The following TMC5 variants were observed in gnomAD, a reference collection of about 807,000 sequenced individuals.
TMC5 encodes the protein transmembrane channel-like protein 5.
Under a neutral mutation model 110.5 loss-of-function variants are expected in TMC5, and 86 were observed. That is an observed-to-expected ratio of 0.78 (90% CI 0.65 to 0.93). The LOEUF is 0.93. TMC5 is among the 40% of genes least tolerant of loss of function. The pLI is 0.00. For missense variants in TMC5, 1,144 were observed against 1,222.8 expected (o/e 0.94, Z 0.96); for synonymous variants, 455 against 439.5 (o/e 1.04, Z -0.44).
chr16:19,482,178 C>G (rs1426421420), intron 15 of TMC5, among the ~76,000 whole-genome samples: 1 of 152,180 alleles, frequency 6.6e-6, no homozygotes, highest in African/African-American at 2.4e-5. Flanking sequence ...TCCTGCCTGT[C>G]TCCCAAGTAG....
intron 8 of TMC5, among the ~76,000 whole-genome samples, chr16:19,464,598 T>C (rs2143592233): frequency 6.6e-6 from 1 of 152,358 alleles, no homozygotes; most frequent in African/African-American, 2.4e-5. Flanking sequence ...TTTCTTTTCT[T>C]ACAAAAGATG....
chr16:19,466,687 C>T (rs1490889088), intron 9 of TMC5, among the ~76,000 whole-genome samples: 2 of 152,160 alleles, frequency 1.3e-5, no homozygotes, highest in East Asian at 1.9e-4. Context: ...CCAATTATTC[C>T]TTGTCCTGCA....
In TMC5 at chr16:19,469,729, C is replaced by A; in HGVS notation, c.1686C>A (p.Ser562=). 1.2e-6 allele frequency: 2 copies of A among 1,614,132 alleles called. No homozygotes were observed. Among genetic ancestry groups the A allele is most frequent in the Non-Finnish European group, 8.5e-7 (1 of 1,180,006 alleles). ...RNNFINPHIY[S]GGITKLIFCW... Reference sequence around the variant, plus strand: ...ACTTCATTAATCCCCACATTTACTCCGGAGGGATCACCAAGCTGATCTTTT... The same window carrying A: ...ACTTCATTAATCCCCACATTTACTCAGGAGGGATCACCAAGCTGATCTTTT... Residue 562 remains serine, a synonymous_variant, in exon 10 of 22, where the codon TCC becomes TCA. Coordinates refer to ENST00000542583, the MANE Select transcript of TMC5 (RefSeq NM_001261841.2).
In TMC5 at chr16:19,426,600, A is replaced by G. The variant is rs56805312; in HGVS notation, c.-307-3813A>G. Among the ~76,000 whole-genome samples the G allele has an allele frequency of 6.3e-3, 961 of 152,296 alleles. 9 individuals carry two copies. The highest frequency in any genetic ancestry group is 0.021 in the African/African-American group (886 of 41,562). On this transcript the variant is annotated intron_variant, in intron 1 of 21. Coordinates refer to ENST00000542583, the MANE Select transcript of TMC5 (RefSeq NM_001261841.2). ...TGACTTGTCTCCATCTGTCCCAGAG[A>G]CGGGCGTCCTCCTTCTTCTGGGTTG...
upstream of TMC5, among the ~76,000 whole-genome samples, chr16:19,415,738 C>G (rs931545712): frequency 2.0e-5 from 3 of 152,210 alleles, no homozygotes; most frequent in African/African-American, 7.2e-5. Context: ...AATGACAGCT[C>G]TTGGGGCAAA....
intron 10 of TMC5, among the ~76,000 whole-genome samples, chr16:19,470,434 G>T (rs1033496486): frequency 6.6e-6 from 1 of 151,780 alleles, no homozygotes; most frequent in Non-Finnish European, 1.5e-5. Context: ...TGATCCACCC[G>T]CCTTGGCCTC....
chr16:19,434,191 T>TATATATCTATATATCTATATATATA (rs1555480015), intron 2 of TMC5, among the ~76,000 whole-genome samples: 1 of 54,914 alleles, frequency 1.8e-5, no homozygotes, highest in African/African-American at 1.8e-4. Flanking sequence ...AGATATATAA[T>TATATATCTATATATCTATATATATA]ATATATATCT....
At chr16:19,435,818 C>A (rs975512567) in intron 2 of TMC5, among the ~76,000 whole-genome samples, 1 of 152,248 alleles carries the variant, frequency 6.6e-6, no homozygotes, top group East Asian at 1.9e-4. Flanking sequence ...ATCCTTGCAT[C>A]TGTGACATTC....
At chr16:19,477,215 T>C in intron 12 of TMC5, 3 of 387,102 alleles carry the variant, frequency 7.7e-6, no homozygotes, top group Middle Eastern at 8.4e-4. Flanking sequence ...GCCACTGCAC[T>C]CCAGCCTGGG....
chr16:19,446,607 A>C (rs1967620464), intron 4 of TMC5, among the ~76,000 whole-genome samples: 1 of 152,216 alleles, frequency 6.6e-6, no homozygotes, highest in Admixed American at 6.5e-5. Flanking sequence ...GAAAACTAAG[A>C]CTTAGAAAGA....
At chr16:19,473,712 G>A (rs1968409929) in intron 11 of TMC5, among the ~76,000 whole-genome samples, 1 of 152,144 alleles carries the variant, frequency 6.6e-6, no homozygotes, top group African/African-American at 2.4e-5. Context: ...GGGCGCGATG[G>A]CTCATGCCTG....
At chr16:19,469,609 C>G in intron 9 of TMC5, 72 bp from the exon 10 acceptor site, 2 of 1,580,258 alleles carry the variant, frequency 1.3e-6, no homozygotes, top group Non-Finnish European at 1.7e-6. Context: ...TAGGGCTGCC[C>G]TTTGTTGAAG....
Position 19,477,465 on chromosome 16 carries a change from A to G in TMC5, c.2116A>G (p.Ile706Val), listed in dbSNP as rs1597208294. The G allele has an allele frequency of 1.9e-6, 3 of 1,612,862 alleles. No individual in the cohort carries two copies. Among genetic ancestry groups the G allele is most frequent in the Non-Finnish European group, 1.7e-6 (2 of 1,179,302 alleles). Residue 706 changes from isoleucine to valine, a missense_variant, in exon 13 of 22, where the codon ATT becomes GTT. Ile to Val is a conservative substitution (Grantham distance 29). Coordinates refer to ENST00000542583, the MANE Select transcript of TMC5 (RefSeq NM_001261841.2). The stretch of plus-strand genomic sequence containing the variant: ...AAACATCTTTTTGAAAATATCAATC[A>G]TTGGCATTCTTTGTTACTATTGGCT... ...IRNIFLKISI[I>V]GILCYYWLNT...
chr16:19,496,389 T>C (rs1372069120), intron 20 of TMC5, among the ~76,000 whole-genome samples: 1 of 152,078 alleles, frequency 6.6e-6, no homozygotes, highest in Non-Finnish European at 1.5e-5. Context: ...TTAACGCAAA[T>C]ACCACTTATG....
intron 5 of TMC5, among the ~76,000 whole-genome samples, chr16:19,455,441 A>G (rs1597184963): frequency 6.6e-6 from 1 of 152,104 alleles, no homozygotes; most frequent in African/African-American, 2.4e-5. Context: ...AATAAATAAA[A>G]ATTTTTAAAA....
chr16:19,489,167 T>C (rs1159709435), intron 17 of TMC5, among the ~76,000 whole-genome samples: 1 of 152,192 alleles, frequency 6.6e-6, no homozygotes, highest in Non-Finnish European at 1.5e-5. Context: ...CTCTTTATGC[T>C]TCTTAATTCA....
intron 4 of TMC5, among the ~76,000 whole-genome samples, chr16:19,447,020 T>TAAC (rs59897298): frequency 0.029 from 4,413 of 151,832 alleles, 202 homozygotes; most frequent in African/African-American, 0.099. Context: ...ACTGAGTTAA[T>TAAC]AACAACAACA....
intron 1 of TMC5, among the ~76,000 whole-genome samples, chr16:19,426,501 T>A (rs1028044270): frequency 1.4e-4 from 21 of 152,192 alleles, no homozygotes; most frequent in African/African-American, 4.8e-4. Context: ...GTAAGCAGCA[T>A]CCTTTCTTGT....
intron 1 of TMC5, among the ~76,000 whole-genome samples, chr16:19,420,389 C>T (rs964917174): frequency 1.3e-5 from 2 of 151,796 alleles, no homozygotes; most frequent in African/African-American, 4.8e-5. Context: ...GATCATGCCA[C>T]TGCACTCCAG....
Sources: gnomAD v4.1 joint callset for allele counts (sites outside exome capture counted in the v4.1 genomes callset) on GRCh38, gnomAD v4.1.1 for gene constraint, MANE v1.5 for transcripts, NCBI Gene and HGNC (gene_info 2026-07-23, HGNC 2026-07-21) for gene names.